Variants in EFHC2 observed in about 807,000 individuals in gnomAD.
EFHC2 encodes the protein EF-hand domain-containing family member C2.
In EFHC2, 18 loss-of-function variants were observed where a neutral mutation model predicts 52.7. The ratio of observed to expected loss-of-function variants is 0.34; its 90% CI spans 0.24 to 0.51. The LOEUF is 0.51. Among genes scored for constraint, EFHC2 ranks in the 20% least tolerant of loss-of-function variants. The pLI, the probability that EFHC2 is intolerant of heterozygous loss-of-function variation, is 0.97. For missense variants in EFHC2, 513 were observed against 562.5 expected (o/e 0.91, Z 0.89); for synonymous variants, 203 against 204.1 (o/e 0.99, Z 0.04).
chrX:44,228,542 C>T (rs1349037391), intron 11 of EFHC2, among the ~76,000 whole-genome samples: 1 of 111,903 alleles, frequency 8.9e-6, no homozygotes, highest in Non-Finnish European at 1.9e-5. Context: ...TGACTATGAA[C>T]AATAACAAAG....
At chrX:44,312,542 A>C in intron 2 of EFHC2, 26 bp downstream of exon 2, 1 of 1,137,181 alleles carries the variant, frequency 8.8e-7, no homozygotes, top group African/African-American at 1.8e-5. Context: ...CTAAGACTGC[A>C]TTCCTCCCAG....
intron 13 of EFHC2, among the ~76,000 whole-genome samples, chrX:44,169,769 A>G (rs1182183494): frequency 9.1e-6 from 1 of 110,461 alleles, no homozygotes; most frequent in Non-Finnish European, 1.9e-5. Flanking sequence ...TCTCTCTCTC[A>G]TCATGAACTT....
At position 44,229,754 on chromosome X, in the gene EFHC2, G is replaced by C. The variant is rs2037261259; in HGVS notation, c.1646C>G (p.Ala549Gly). ...DKYPFSNLKL[A>G]LQKLKQEEGK... is the part of the protein sequence containing the mutation. ...TTCTTCTTGCTTCAGCTTTTGTAGG[G>C]CAAGTTTGAGGTTACTGAAAGGATA... The change falls in exon 11 of 15, where the codon GCC becomes GGC. Residue 549 changes from alanine (A) to glycine (G), a missense_variant. Transcript: ENST00000420999. 1.7e-6 allele frequency: 2 copies of C among 1,207,393 alleles called. No individual in the cohort carries two copies. The highest frequency in any genetic ancestry group is 3.0e-5 in the East Asian group (1 of 33,703).
intron 13 of EFHC2, among the ~76,000 whole-genome samples, chrX:44,173,890 C>A (rs2036764501): frequency 8.9e-6 from 1 of 112,152 alleles, no homozygotes; most frequent in Non-Finnish European, 1.9e-5. Context: ...AGAGGCCAGG[C>A]TCCCACATTA....
chrX:44,228,827 A>AG (rs894676010), intron 11 of EFHC2, among the ~76,000 whole-genome samples: 5 of 111,784 alleles, frequency 4.5e-5, no homozygotes, highest in African/African-American at 1.6e-4. Flanking sequence ...GACTGCATCA[A>AG]GCGGAGTTTA....
intron 14 of EFHC2, among the ~76,000 whole-genome samples, chrX:44,161,191 G>T (rs2036651501): frequency 8.9e-6 from 1 of 111,930 alleles, no homozygotes; most frequent in Admixed American, 9.5e-5. Context: ...AATGACAAAG[G>T]CTTATAGCAA....
At chrX:44,283,532 C>CTT (rs3049061) in intron 2 of EFHC2, among the ~76,000 whole-genome samples, 26 of 88,544 alleles carry the variant, frequency 2.9e-4, no homozygotes, top group East Asian at 2.4e-3. Flanking sequence ...ACGGAAGTAC[C>CTT]TTTTTTTTTT....
chrX:44,265,676 T>C (rs1198499816), intron 3 of EFHC2, among the ~76,000 whole-genome samples: 1 of 111,905 alleles, frequency 8.9e-6, no homozygotes, highest in Non-Finnish European at 1.9e-5. Flanking sequence ...AAGATATAAC[T>C]GCAATTGCCA....
chrX:44,203,708 T>C (rs2037024262), intron 11 of EFHC2, among the ~76,000 whole-genome samples: 1 of 111,103 alleles, frequency 9.0e-6, no homozygotes, highest in African/African-American at 3.3e-5. Context: ...CACCTCAGCC[T>C]CCCCAGTATC....
At chrX:44,239,445 G>A (rs2037344352) in intron 8 of EFHC2, among the ~76,000 whole-genome samples, 1 of 112,117 alleles carries the variant, frequency 8.9e-6, no homozygotes, top group Non-Finnish European at 1.9e-5. Context: ...TGCCCTCAAG[G>A]AGCTCTTGGT....
chrX:44,257,993 C>T (rs1464135806), intron 4 of EFHC2, among the ~76,000 whole-genome samples: 1 of 111,436 alleles, frequency 9.0e-6, no homozygotes, highest in East Asian at 2.8e-4. Flanking sequence ...CATCTACAAC[C>T]AACTGATCTT....
intron 1 of EFHC2, among the ~76,000 whole-genome samples, chrX:44,317,140 C>T (rs1306116207): frequency 2.7e-5 from 3 of 112,050 alleles, no homozygotes; most frequent in Non-Finnish European, 5.6e-5. Flanking sequence ...TGAGCTTCCA[C>T]AGCCCTTCGT....
At chrX:44,162,569 C>T (rs1470324830) in intron 14 of EFHC2, among the ~76,000 whole-genome samples, 1 of 111,305 alleles carries the variant, frequency 9.0e-6, no homozygotes, top group African/African-American at 3.3e-5. Context: ...CAGCTTCATC[C>T]TTTTCACCTC....
intron 3 of EFHC2, among the ~76,000 whole-genome samples, chrX:44,268,792 TTA>T (rs756549984): frequency 8.0e-5 from 9 of 112,320 alleles, no homozygotes; most frequent in African/African-American, 2.6e-4. Context: ...AAAAACTGCC[TTA>T]TATGTTTTAA....
At chrX:44,190,217 C>T (rs754066418) in intron 11 of EFHC2, among the ~76,000 whole-genome samples, 92 of 111,654 alleles carry the variant, frequency 8.2e-4, no homozygotes, top group Middle Eastern at 4.6e-3. Flanking sequence ...TGGTAGTGTC[C>T]ACCAGCCTGG....
intron 11 of EFHC2, among the ~76,000 whole-genome samples, chrX:44,224,946 A>C (rs1455442971): frequency 9.0e-6 from 1 of 111,505 alleles, no homozygotes; most frequent in East Asian, 2.8e-4. Flanking sequence ...TGTGGTTCAG[A>C]GTCCAGGGCC....
intron 13 of EFHC2, among the ~76,000 whole-genome samples, chrX:44,167,425 A>C (rs1055070225): frequency 8.9e-6 from 1 of 112,158 alleles, no homozygotes; most frequent in Non-Finnish European, 1.9e-5. Flanking sequence ...TGTTACCACT[A>C]ACTCTGATAT....
intron 11 of EFHC2, among the ~76,000 whole-genome samples, chrX:44,194,678 G>C (rs994216622): frequency 1.8e-5 from 2 of 111,722 alleles, no homozygotes; most frequent in Non-Finnish European, 3.8e-5. Context: ...AAGGGAAAAT[G>C]AGCACGAATT....
At position 44,272,885 on chromosome X, in the gene EFHC2, A is replaced by T; in HGVS notation, c.232-49T>A. ...TAAGAAATGAAAAGAAAATTCAGCA[A>T]ACTTAAAATTAACAAAGCAGCTGCC... is the stretch of plus-strand genomic sequence containing the variant. On this transcript the variant is annotated intron_variant, in intron 2 of 14. Transcript: ENST00000420999. 5 of 1,048,623 alleles carry T rather than the reference A, an allele frequency of 4.8e-6. No individual in the cohort carries two copies. In the South Asian group the frequency reaches 1.1e-4, roughly 23 times the overall value. 86.4% of individuals were successfully genotyped at this position (1,048,623 alleles called of 1,213,427 possible). A position where few individuals can be genotyped will look rare whatever the true frequency, so the allele number is the denominator to read the frequency against.
Sources: allele counts gnomAD v4.1 joint callset (sites outside exome capture counted in the v4.1 genomes callset), GRCh38; gene constraint gnomAD v4.1.1; transcripts MANE v1.5; gene names NCBI Gene and HGNC (gene_info 2026-07-23, HGNC 2026-07-21).